Variants in HECTD4 observed in about 807,000 individuals in gnomAD.
HECTD4 encodes the protein HECT domain E3 ubiquitin protein ligase 4.
In HECTD4, 114 loss-of-function variants were observed where a neutral mutation model predicts 471.5. The observed-to-expected ratio is 0.24, with a 90% CI of 0.21 to 0.28. HECTD4 has a LOEUF of 0.28. HECTD4 is among the 10% of genes least tolerant of loss of function. The pLI is 1.00. For synonymous variants in HECTD4, 2,012 were observed against 2,256.0 expected (o/e 0.89, Z 3.07); for missense variants, 3,866 against 5,651.5 (o/e 0.68, Z 10.13).
chr12:112,233,614 C>T (rs921203197), intron 37 of HECTD4, among the ~76,000 whole-genome samples: 3 of 151,932 alleles, frequency 2.0e-5, no homozygotes, highest in African/African-American at 7.3e-5. Context: ...ACTTTAGGGC[C>T]CAAAACAACA....
chr12:112,310,416 C>T (rs1396141671), intron 4 of HECTD4, among the ~76,000 whole-genome samples: 1 of 152,144 alleles, frequency 6.6e-6, no homozygotes, highest in Non-Finnish European at 1.5e-5. Context: ...CTTCCTCAAT[C>T]TAAAACAGTA....
At chr12:112,276,354 C>T (rs888879624) in intron 9 of HECTD4, among the ~76,000 whole-genome samples, 2 of 151,616 alleles carry the variant, frequency 1.3e-5, no homozygotes, top group Admixed American at 1.3e-4. Context: ...TTTAATAAGA[C>T]TAATGGTCAT....
At chr12:112,167,183 G>T in intron 72 of HECTD4, 134 bp downstream of exon 72, 1 of 700,542 alleles carries the variant, frequency 1.4e-6, no homozygotes. Context: ...CTGGCACATG[G>T]CTCACACCCC....
chr12:112,304,061 C>G (rs1311365206), intron 7 of HECTD4, among the ~76,000 whole-genome samples: 2 of 151,748 alleles, frequency 1.3e-5, no homozygotes, highest in Non-Finnish European at 2.9e-5. Context: ...GCCTGAGGAG[C>G]ATGCTGGGAT....
intron 1 of HECTD4, among the ~76,000 whole-genome samples, chr12:112,330,276 C>G (rs1285498522): frequency 9.9e-6 from 1 of 100,740 alleles, no homozygotes; most frequent in Non-Finnish European, 2.2e-5. Flanking sequence ...TACTTTGTCT[C>G]AAAAAAAAAA....
rs2031808355 is a variant in HECTD4 at position 112,184,997 on chromosome 12, G to A, written c.9969C>T (p.Ser3323=). 1.2e-6 allele frequency: 2 copies of A among 1,611,260 alleles called. No individual in the cohort carries two copies. Among genetic ancestry groups the A allele is most frequent in the Non-Finnish European group, 8.5e-7 (1 of 1,178,836 alleles). The change falls in exon 61 of 76, where the codon TCC becomes TCT. Residue 3323 remains serine, a synonymous_variant. Transcript: ENST00000682272. This position sits in a 1 kb window ranked among gnomAD's most constrained non-coding sequence, Gnocchi z 9.1. ...KKVKMKREKA[S]SSGKRQSSRT... ...GGGAAGACTGGCGCTTGCCCGACGAGGAGGCCTTTTCCCGCTTCATCTTGA... is the reference window on the plus strand; with the variant it reads ...GGGAAGACTGGCGCTTGCCCGACGAAGAGGCCTTTTCCCGCTTCATCTTGA...
chr12:112,313,347 C>T (rs1329924958), intron 3 of HECTD4, among the ~76,000 whole-genome samples, 200 bp from the exon 4 acceptor site: 1 of 151,658 alleles, frequency 6.6e-6, no homozygotes, highest in Non-Finnish European at 1.5e-5. Flanking sequence ...CAGAGTCTCG[C>T]TCTGTCACCC....
In HECTD4 at chr12:112,324,088, TTCTTTCTTTCTTTCCTCTC is replaced by T. The variant is rs1566112239; in HGVS notation, c.178-4365_178-4347del. ...TTTCTTTCTTTCTTTCTTTCTTTCT[TTCTTTCTTTCTTTCCTCTC>T]TCTCTTTCTTTCTTTTTTTTATTTT... is the stretch of plus-strand genomic sequence containing the variant. On this transcript the variant is annotated intron_variant, in intron 1 of 75. Transcript: ENST00000682272. 1.1e-3 allele frequency among the ~76,000 whole-genome samples: 97 copies of T among 88,094 alleles called. 13 individuals carry two copies. The highest frequency in any genetic ancestry group is 5.8e-3 in the East Asian group (8 of 1,390). The allele number at this position is 88,094 out of a possible 152,430, so 57.8% of individuals were successfully genotyped here.
Position 112,265,206 on chromosome 12 carries a change from T to C in HECTD4, c.2588A>G (p.Asp863Gly), listed in dbSNP as rs1400453940. 6.2e-7 allele frequency: 1 copy of C among 1,606,160 alleles called. No homozygotes were observed. The highest frequency in any genetic ancestry group is 8.5e-7 in the Non-Finnish European group (1 of 1,176,542). Residue 863 changes from aspartate (D) to glycine (G), a missense_variant, in exon 16 of 76, where the codon GAT (aspartate) becomes GGT (glycine). This residue lies in a region of HECTD4 where 525 missense variants were observed against 672.6 expected (regional missense o/e 0.78). Transcript: ENST00000682272. ...AGTTGAAAGGAGCTTTTGAAAATCA[T>C]CTTTAGAGACAGTTTGGCACTTGGT... ...LITKCQTVSKDDFQKLLSTVP... is the reference protein window; with the variant it reads ...LITKCQTVSKGDFQKLLSTVP...
chr12:112,332,325 G>C (rs1251220632), intron 1 of HECTD4, among the ~76,000 whole-genome samples: 1 of 151,990 alleles, frequency 6.6e-6, no homozygotes, highest in East Asian at 1.9e-4. Flanking sequence ...CTAAGGTCGG[G>C]AGTTTGAGAC....
At chr12:112,378,277 GAC>G (rs1353795502) in intron 1 of HECTD4, among the ~76,000 whole-genome samples, 3 of 152,084 alleles carry the variant, frequency 2.0e-5, no homozygotes, top group Non-Finnish European at 2.9e-5. Context: ...GGAGTGCAGT[GAC>G]GCGATCTCAG....
At position 112,160,352 on chromosome 12, in the gene HECTD4, T is replaced by C. The variant is rs2030648166; in HGVS notation, c.*2035A>G. The C allele has an allele frequency of 1.3e-5, 2 of 152,238 alleles. No individual in the cohort carries two copies. Among genetic ancestry groups the C allele is most frequent in the Admixed American group, 1.3e-4 (2 of 15,282 alleles). 9.4% of individuals were successfully genotyped at this position (152,238 alleles called of 1,614,324 possible). On this transcript the variant is annotated 3_prime_UTR_variant, in exon 76 of 76. Coordinates refer to ENST00000682272, the MANE Select transcript of HECTD4 (RefSeq NM_001388303.1). ...TGAAGGTTATTTATTGGTGTGACTT[T>C]TTTCCTTTAGTGAGCTTCCTTTACA...
At position 112,283,287 on chromosome 12, in the gene HECTD4, A is replaced by G. The variant is rs1306970239; in HGVS notation, c.1351T>C (p.Phe451Leu). 1 of 1,612,330 alleles carries G rather than the reference A, an allele frequency of 6.2e-7. No homozygotes were observed. The highest frequency in any genetic ancestry group is 1.7e-5 in the Admixed American group (1 of 59,716). ...IFELVVENGV[F>L]VANPLQERTI... ...CGTTCCTGAAGTGGGTTGGCTACAA[A>G]TACACCATTTTCAACCTAACATAGA... Residue 451 changes from phenylalanine to leucine, a missense_variant, in exon 8 of 76, where the codon TTT becomes CTT. Physicochemically the swap from Phe to Leu is conservative, Grantham distance 22 (BLOSUM62 0). Transcript: ENST00000682272.
intron 10 of HECTD4, 108 bp downstream of exon 10, chr12:112,274,739 C>T (rs2034490217): frequency 2.9e-6 from 2 of 700,296 alleles, no homozygotes; most frequent in African/African-American, 3.6e-5. Flanking sequence ...CAAAAAACGT[C>T]TTTCTTTTCA....
intron 10 of HECTD4, among the ~76,000 whole-genome samples, chr12:112,274,113 C>A (rs575666107): frequency 6.6e-6 from 1 of 152,314 alleles, no homozygotes; most frequent in African/African-American, 2.4e-5. Context: ...TATAATAGGA[C>A]CAATTAACAT....
At chr12:112,200,247 G>A (rs1055714448) in intron 55 of HECTD4, among the ~76,000 whole-genome samples, 1 of 151,384 alleles carries the variant, frequency 6.6e-6, no homozygotes, top group Non-Finnish European at 1.5e-5. Flanking sequence ...TCCGTCTCTC[G>A]GGTTCAATAG....
intron 1 of HECTD4, among the ~76,000 whole-genome samples, chr12:112,370,249 C>T (rs1231852954): frequency 3.3e-5 from 5 of 152,160 alleles, no homozygotes; most frequent in Admixed American, 3.3e-4. Context: ...AGATTCTCCC[C>T]TAGAGCCTGC....
chr12:112,169,796 C>G, intron 69 of HECTD4, 138 bp from the exon 70 acceptor site: 1 of 981,594 alleles, frequency 1.0e-6, no homozygotes, highest in Non-Finnish European at 1.6e-6. Context: ...TGTGCCTTCT[C>G]TGCCCTCAGA....
rs756763054 is a variant in HECTD4, at chr12:112,167,384, A to G, written c.12467T>C (p.Leu4156Ser). 4 of 1,613,850 alleles carry G rather than the reference A, an allele frequency of 2.5e-6. No individual in the cohort carries two copies. The South Asian group carries it at 4.4e-5, about 18-fold the overall frequency. Residue 4156 changes from leucine to serine, a missense_variant, in exon 72 of 76, where the codon TTG (leucine) becomes TCG (serine). Physicochemically the swap from Leu to Ser is moderately radical, Grantham distance 145 (BLOSUM62 -2). Coordinates refer to ENST00000682272, the MANE Select transcript of HECTD4 (RefSeq NM_001388303.1). ...TTCCTGCAGGTCTTGCTCAGGGTCCAAGGGCTCGCCCACCAGCGTCTTCCA... is the reference window on the plus strand; with the variant it reads ...TTCCTGCAGGTCTTGCTCAGGGTCCGAGGGCTCGCCCACCAGCGTCTTCCA... The part of the protein sequence containing the change: ...SFWKTLVGEP[L>S]DPEQDLQEAD...
Sources: gnomAD v4.1 joint callset for allele counts (sites outside exome capture counted in the v4.1 genomes callset) on GRCh38, gnomAD v4.1.1 for gene constraint, gnomAD v4.1.1 regional missense constraint, Gnocchi (gnomAD v3.1) non-coding constraint, MANE v1.5 for transcripts, NCBI Gene and HGNC (gene_info 2026-07-23, HGNC 2026-07-21) for gene names.